The following STK38 variants were observed in gnomAD, a reference collection of about 807,000 sequenced individuals.
The protein encoded by STK38 is serine/threonine-protein kinase 38.
In STK38, 26 loss-of-function variants were observed where a neutral mutation model predicts 59.0. The ratio of observed to expected loss-of-function variants is 0.44; its 90% CI spans 0.32 to 0.61. The LOEUF is 0.61. STK38 is among the 20% of genes least tolerant of loss of function. The pLI, the probability that STK38 is intolerant of heterozygous loss-of-function variation, is 0.04. For synonymous variants in STK38, 175 were observed against 176.6 expected (o/e 0.99, Z 0.07); for missense variants, 433 against 566.0 (o/e 0.76, Z 2.38).
chr6:36,511,161 T>A (rs531404978), intron 7 of STK38, among the ~76,000 whole-genome samples: 1 of 152,284 alleles, frequency 6.6e-6, no homozygotes, highest in Admixed American at 6.5e-5. Flanking sequence ...CTCAAGGACA[T>A]CATCAGGCTT....
Position 36,499,933 on chromosome 6 carries a change from C to A in STK38, c.892G>T (p.Gly298Trp). ...YIAPEVFMQTGYNKLCDWWSL... is the reference protein window; with the variant it reads ...YIAPEVFMQTWYNKLCDWWSL... ...CACCAATCACAGAGCTTGTTGTACC[C>A]GGTCTGCATGAACACCTCAGGAGCA... The change falls in exon 10 of 14, where the codon GGG (glycine) becomes TGG (tryptophan). Residue 298 changes from glycine to tryptophan, a missense_variant. This residue lies in a region of STK38 where 293 missense variants were observed against 388.2 expected (regional missense o/e 0.75). Transcript: ENST00000229812. 1 of 1,614,100 alleles carries A rather than the reference C, an allele frequency of 6.2e-7. No individual in the cohort carries two copies. The highest frequency in any genetic ancestry group is 8.5e-7 in the Non-Finnish European group (1 of 1,179,992).
chr6:36,527,943 C>CA (rs56805046), intron 2 of STK38, among the ~76,000 whole-genome samples: 5,228 of 128,226 alleles, frequency 0.041, 314 homozygotes, highest in African/African-American at 0.13. Flanking sequence ...ACTAAAAATA[C>CA]AAAAAAAAAA....
At chr6:36,538,058 C>T (rs1186218031) in intron 2 of STK38, among the ~76,000 whole-genome samples, 1 of 151,862 alleles carries the variant, frequency 6.6e-6, no homozygotes, top group Non-Finnish European at 1.5e-5. Context: ...CCCAGCACTT[C>T]AAGAGGCTGT....
intron 7 of STK38, among the ~76,000 whole-genome samples, chr6:36,510,530 C>T (rs1205198060): frequency 6.6e-6 from 1 of 152,232 alleles, no homozygotes; most frequent in African/African-American, 2.4e-5. Flanking sequence ...GTTCCCAGCT[C>T]CTGCCAGCTC....
chr6:36,515,293 C>A, intron 7 of STK38, 45 bp downstream of exon 7: 1 of 1,599,234 alleles, frequency 6.3e-7, no homozygotes, highest in Non-Finnish European at 8.5e-7. Flanking sequence ...AGAGGCTGCT[C>A]AGATCAGTAA....
intron 2 of STK38, among the ~76,000 whole-genome samples, chr6:36,533,999 T>C (rs1777730041): frequency 1.3e-5 from 2 of 152,226 alleles, no homozygotes; most frequent in Admixed American, 6.5e-5. Flanking sequence ...GGTCAAATTA[T>C]ATATCCCATG....
intron 7 of STK38, among the ~76,000 whole-genome samples, chr6:36,508,403 C>T (rs185855924): frequency 9.2e-5 from 14 of 152,272 alleles, no homozygotes; most frequent in Non-Finnish European, 1.9e-4. Context: ...CAGACCTAAC[C>T]GGGCATGATT....
At chr6:36,503,007 G>C (rs1000819567) in intron 9 of STK38, among the ~76,000 whole-genome samples, 1 of 152,144 alleles carries the variant, frequency 6.6e-6, no homozygotes, top group African/African-American at 2.4e-5. Flanking sequence ...TTTTCCTGTG[G>C]ATGGACACTG....
At chr6:36,513,064 G>A (rs1464259362) in intron 7 of STK38, among the ~76,000 whole-genome samples, 1 of 151,942 alleles carries the variant, frequency 6.6e-6, no homozygotes, top group Non-Finnish European at 1.5e-5. Context: ...CTGTCCCCCA[G>A]GCTAAAGTGC....
intron 1 of STK38, among the ~76,000 whole-genome samples, chr6:36,542,615 G>T (rs912516058): frequency 6.7e-6 from 1 of 149,276 alleles, no homozygotes; most frequent in Non-Finnish European, 1.5e-5. Flanking sequence ...CTGCACTCCA[G>T]ACTGGGCTAC....
intron 3 of STK38, among the ~76,000 whole-genome samples, chr6:36,524,869 T>C (rs1465618425): frequency 2.0e-5 from 3 of 152,226 alleles, no homozygotes; most frequent in East Asian, 3.8e-4. Flanking sequence ...CTACAAGTAT[T>C]GGGTATTTTT....
rs1561994221 is a variant in STK38, at chr6:36,540,101, A to G, written c.102T>C (p.Leu34=). The G allele has an allele frequency of 4.3e-6, 7 of 1,614,070 alleles. No homozygotes were observed. The highest frequency in any genetic ancestry group is 4.2e-6 in the Non-Finnish European group (5 of 1,179,974). The change falls in exon 2 of 14, where the codon CTT becomes CTC. Residue 34 remains leucine, a synonymous_variant. Coordinates refer to ENST00000229812, the MANE Select transcript of STK38 (RefSeq NM_007271.4). ...KVTLENFYSN[L]IAQHEEREMR... is the part of the protein sequence containing the mutation. ...TTTCTCGTTCTTCATGTTGAGCGAT[A>G]AGGTTGCTATAAAAATTCTCCAGTG...
intron 7 of STK38, 33 bp downstream of exon 7, chr6:36,515,305 C>T (rs375637235): frequency 2.1e-5 from 34 of 1,607,176 alleles, no homozygotes; most frequent in East Asian, 4.5e-5. Context: ...GATCAGTAAA[C>T]GTGCATAGTT....
intron 2 of STK38, among the ~76,000 whole-genome samples, chr6:36,539,157 A>G (rs1229970534): frequency 1.3e-5 from 2 of 151,904 alleles, no homozygotes; most frequent in African/African-American, 4.8e-5. Context: ...AGGCCGAGGC[A>G]GGTGGAATGC....
intron 2 of STK38, among the ~76,000 whole-genome samples, chr6:36,530,084 T>C (rs547305816): frequency 2.0e-5 from 3 of 151,960 alleles, no homozygotes; most frequent in Admixed American, 2.0e-4. Context: ...CTACTAAAAA[T>C]ACAAAAATTA....
intron 13 of STK38, among the ~76,000 whole-genome samples, chr6:36,496,136 C>A (rs1776700111): frequency 6.6e-6 from 1 of 151,704 alleles, no homozygotes; most frequent in East Asian, 1.9e-4. Flanking sequence ...CCTTGCCTCC[C>A]GGGTTCAAAC....
chr6:36,495,905 C>T lies in STK38; in HGVS notation c.1277G>A (p.Ser426Asn), dbSNP rs1196054816. The stretch of plus-strand genomic sequence containing the variant: ...CTTGTAGTCAGTCTCAGGATGATTA[C>T]TTGTGGCCACTGGGAAAGAAATAGA... ...SDILKPTVAT[S>N]NHPETDYKNK... is the part of the protein sequence containing the mutation. The change falls in exon 14 of 14, where the codon AGT becomes AAT. Residue 426 changes from serine to asparagine, a missense_variant. Around this residue, in one of 3 missense-constraint regions of STK38, gnomAD observed 136 missense variants for 156.7 expected, o/e 0.87. Coordinates refer to ENST00000229812, the MANE Select transcript of STK38 (RefSeq NM_007271.4). The T allele has an allele frequency of 6.2e-7, 1 of 1,613,906 alleles. No homozygotes were observed. Among genetic ancestry groups the T allele is most frequent in the African/African-American group, 1.3e-5 (1 of 74,912 alleles).
intron 2 of STK38, among the ~76,000 whole-genome samples, chr6:36,539,609 G>A (rs368782804): frequency 1.3e-5 from 2 of 152,206 alleles, no homozygotes; most frequent in East Asian, 1.9e-4. Context: ...TTCACAGAAA[G>A]ACTAAGGAAC....
intron 2 of STK38, among the ~76,000 whole-genome samples, chr6:36,526,349 C>T (rs2127482560): frequency 6.6e-6 from 1 of 151,836 alleles, no homozygotes; most frequent in East Asian, 1.9e-4. Flanking sequence ...TTTATTTCTG[C>T]ATCTTCCTCC....
Sources: allele counts gnomAD v4.1 joint callset (sites outside exome capture counted in the v4.1 genomes callset), GRCh38; gene constraint gnomAD v4.1.1; regional missense constraint gnomAD v4.1.1; transcripts MANE v1.5; gene names NCBI Gene and HGNC (gene_info 2026-07-23, HGNC 2026-07-21).